The following PPP2R1B variants were observed in gnomAD, a reference collection of about 807,000 sequenced individuals.
The protein encoded by PPP2R1B is protein phosphatase 2 scaffold subunit Abeta.
A neutral mutation model predicts 72.7 loss-of-function variants in PPP2R1B; 58 were observed. The ratio of observed to expected loss-of-function variants is 0.80; its 90% CI spans 0.65 to 0.99. The LOEUF (loss-of-function observed/expected upper bound fraction) is 0.99. PPP2R1B is among the 50% of genes least tolerant of loss of function. The pLI is 0.00. For missense variants in PPP2R1B, 695 were observed against 733.6 expected (o/e 0.95, Z 0.61); for synonymous variants, 256 against 264.6 (o/e 0.97, Z 0.32).
the PPP2R1B span, chr11:111,703,416 C>T: frequency 2.5e-6 from 4 of 1,613,574 alleles, no homozygotes; most frequent in Non-Finnish European, 3.4e-6. Context: ...CAGCAGAAAA[C>T]CATTGAGGTA....
intron 11 of PPP2R1B, among the ~76,000 whole-genome samples, chr11:111,746,466 G>A (rs1944707405): frequency 6.6e-6 from 1 of 152,130 alleles, no homozygotes; most frequent in South Asian, 2.1e-4. Context: ...ACACACTGAG[G>A]CCTATCAGGG....
chr11:111,754,347 A>G, intron 8 of PPP2R1B, 152 bp downstream of exon 8: 11 of 1,092,472 alleles, frequency 1.0e-5, no homozygotes, highest in Non-Finnish European at 1.4e-5. Flanking sequence ...TAAGTGATGA[A>G]TAACAATGTT....
exon 16 of PPP2R1B, chr11:111,727,032 T>C: frequency 6.2e-6 from 10 of 1,614,126 alleles, no homozygotes; most frequent in Non-Finnish European, 8.5e-6. Context: ...GTCTCTAGTA[T>C]CTCCACGCAA....
At chr11:111,712,075 A>C in the PPP2R1B span, 5 of 924,218 alleles carry the variant, frequency 5.4e-6, no homozygotes, top group Non-Finnish European at 6.5e-6. Flanking sequence ...ATTTCACTAA[A>C]TCTTTCTGGA....
chr11:111,766,221 C>T (rs1555053091), intron 1 of PPP2R1B, 27 bp downstream of exon 1: 3 of 1,611,466 alleles, frequency 1.9e-6, no homozygotes, highest in South Asian at 2.2e-5. Context: ...CCGGTCTCGC[C>T]TCGGGTCCCC....
At chr11:111,724,025 T>A (rs931856721), downstream of PPP2R1B, 4 of 1,614,160 alleles carry the variant, frequency 2.5e-6, no homozygotes, top group Non-Finnish European at 3.4e-6. Context: ...AGAGGCCCCC[T>A]CCAGCTACGA....
rs782314967 is a variant in PPP2R1B, at chr11:111,766,317, A to G, written c.45T>C (p.Gly15=). The G allele has an allele frequency of 6.5e-7, 1 of 1,547,290 alleles. No homozygotes were observed. The change falls in exon 1 of 15, where the codon GGT becomes GGC. Residue 15 remains glycine (G), a synonymous_variant. Coordinates refer to ENST00000527614, the MANE Select transcript of PPP2R1B (RefSeq NM_002716.5). Reference sequence around the variant, plus strand: ...GGTATAGCGAATCATCTCCATCTCCACCCGCTGCTCCTGGGCCGGTCCCGA... The same window carrying G: ...GGTATAGCGAATCATCTCCATCTCCGCCCGCTGCTCCTGGGCCGGTCCCGA... ...SELGTGPGAA[G]GDGDDSLYPI... is the part of the protein sequence containing the mutation.
the PPP2R1B span, among the ~76,000 whole-genome samples, chr11:111,710,407 G>A: frequency 1.3e-5 from 2 of 152,092 alleles, no homozygotes; most frequent in Non-Finnish European, 2.9e-5. Flanking sequence ...ATCTTATACA[G>A]TATAGCCAGT....
Position 111,739,625 on chromosome 11 carries a change from A to C in PPP2R1B, c.*1971T>G. 2.0e-6 allele frequency: 2 copies of C among 985,454 alleles called. No individual in the cohort carries two copies. The highest frequency in any genetic ancestry group is 2.4e-6 in the Non-Finnish European group (2 of 829,926). The allele number at this position is 985,454 out of a possible 1,614,324, so 61.0% of individuals were successfully genotyped here. A position where few individuals can be genotyped will look rare whatever the true frequency, so the allele number is the denominator to read the frequency against. ...CACTGGGAGACACAAGGGCATTTTA[A>C]AAGTCTGTCCCCAAAACAATGGCAT... is the stretch of plus-strand genomic sequence containing the variant. On this transcript the variant is annotated 3_prime_UTR_variant, in exon 15 of 15. Coordinates refer to ENST00000527614, the MANE Select transcript of PPP2R1B (RefSeq NM_002716.5).
At chr11:111,723,092 C>A (rs1471099383), downstream of PPP2R1B, among the ~76,000 whole-genome samples, 1 of 152,236 alleles carries the variant, frequency 6.6e-6, no homozygotes, top group Non-Finnish European at 1.5e-5. Flanking sequence ...CCCTTACTAT[C>A]ATGTGTGCCC....
chr11:111,746,014 G>A (rs995696564), intron 11 of PPP2R1B, among the ~76,000 whole-genome samples: 7 of 152,170 alleles, frequency 4.6e-5, no homozygotes, highest in Admixed American at 4.6e-4. Flanking sequence ...AATAAACAAG[G>A]GTTTCTCCTG....
chr11:111,758,986 C>G (rs1393738640), intron 5 of PPP2R1B, among the ~76,000 whole-genome samples: 1 of 152,112 alleles, frequency 6.6e-6, no homozygotes, highest in African/African-American at 2.4e-5. Context: ...GATCTTAGGG[C>G]AGGCAACATG....
At chr11:111,723,056 T>C (rs994821244), downstream of PPP2R1B, among the ~76,000 whole-genome samples, 1 of 152,104 alleles carries the variant, frequency 6.6e-6, no homozygotes, top group African/African-American at 2.4e-5. Context: ...GGAGGTGGGG[T>C]AGGCGGCACA....
intron 3 of PPP2R1B, 61 bp from the exon 4 acceptor site, chr11:111,761,112 T>A: frequency 1.4e-6 from 2 of 1,384,738 alleles, no homozygotes; most frequent in South Asian, 2.4e-5. Context: ...TAGAAACAGA[T>A]AATCACCTTT....
At chr11:111,699,275 T>G in the PPP2R1B span, among the ~76,000 whole-genome samples, 130 of 152,328 alleles carry the variant, frequency 8.5e-4, no homozygotes, top group African/African-American at 3.0e-3. Context: ...TCCCCAGATG[T>G]ACCCTCTTTT....
At chr11:111,720,048 G>A in the PPP2R1B span, 1 of 1,564,712 alleles carries the variant, frequency 6.4e-7, no homozygotes, top group Non-Finnish European at 8.7e-7. Flanking sequence ...ATGGCATCAT[G>A]TCATACTCCA....
the PPP2R1B span, among the ~76,000 whole-genome samples, chr11:111,711,892 T>C: frequency 1.3e-5 from 2 of 152,266 alleles, no homozygotes; most frequent in Non-Finnish European, 2.9e-5. Flanking sequence ...GAGACAAATA[T>C]GTTTGTTGAA....
downstream of PPP2R1B, chr11:111,737,467 G>A: frequency 4.3e-6 from 7 of 1,614,234 alleles, no homozygotes; most frequent in East Asian, 4.5e-5. Flanking sequence ...GTCCTCTCCA[G>A]GCACTGTGGG....
intron 9 of PPP2R1B, among the ~76,000 whole-genome samples, chr11:111,753,023 G>T (rs782042394): frequency 6.6e-6 from 1 of 152,098 alleles, no homozygotes; most frequent in South Asian, 2.1e-4. Flanking sequence ...TACCTCACAG[G>T]ATTGTTGTGA....
Sources: allele counts gnomAD v4.1 joint callset (sites outside exome capture counted in the v4.1 genomes callset), GRCh38; gene constraint gnomAD v4.1.1; transcripts MANE v1.5; gene names NCBI Gene and HGNC (gene_info 2026-07-23, HGNC 2026-07-21).